The following STX1B variants were observed in gnomAD, a reference collection of about 807,000 sequenced individuals.
STX1B encodes syntaxin-1B.
A neutral mutation model predicts 39.4 loss-of-function variants in STX1B; 7 were observed. That is an observed-to-expected ratio of 0.18 (90% CI 0.10 to 0.33). The LOEUF is 0.33. Ranked by LOEUF, STX1B falls within the 10% of genes least tolerant of loss-of-function variation. The pLI is 1.00. For missense variants in STX1B, 198 were observed against 383.2 expected (o/e 0.52, Z 4.04); for synonymous variants, 136 against 144.1 (o/e 0.94, Z 0.40).
rs1328341442 is a variant in STX1B at position 31,000,911 on chromosome 16, G to A, written c.280+17C>T. On this transcript the variant is annotated intron_variant, in intron 4 of 9. Coordinates refer to ENST00000215095, the MANE Select transcript of STX1B (RefSeq NM_052874.5). ...CACAATTCTTTTCCTTCCTGGTTGA[G>A]GGATTGTACTCCTCACCTTTCAATT... 8.1e-6 allele frequency: 13 copies of A among 1,613,706 alleles called. No homozygotes were observed. Among genetic ancestry groups the A allele is most frequent in the Non-Finnish European group, 1.1e-5 (13 of 1,179,746 alleles).
At position 31,010,612 on chromosome 16, in the gene STX1B, C is replaced by T. The variant is rs1277157678; in HGVS notation, c.-216G>A. 1.0e-4 allele frequency: 15 copies of T among 150,024 alleles called. No homozygotes were observed. Among genetic ancestry groups the T allele is most frequent in the Admixed American group, 9.5e-4 (14 of 14,690 alleles). The allele number at this position is 150,024 out of a possible 1,614,324, so 9.3% of individuals were successfully genotyped here. On this transcript the variant is annotated 5_prime_UTR_variant, in exon 1 of 10. Coordinates refer to ENST00000215095, the MANE Select transcript of STX1B (RefSeq NM_052874.5). ...GCTCGGCTCTGCCGGGCTGCGGTGG[C>T]GATGCGGCTGCGGCACAGGGTAGGA...
At chr16:30,993,282 G>A (rs1352956151) in intron 8 of STX1B, 42 bp from the exon 9 acceptor site, 1 of 1,613,448 alleles carries the variant, frequency 6.2e-7, no homozygotes, top group African/African-American at 1.3e-5. Context: ...ATGGGGGCTG[G>A]GCTGGAAGAG....
Position 31,001,227 on chromosome 16 carries a change from T to G in STX1B, c.106-34A>C. On this transcript the variant is annotated intron_variant, in intron 2 of 9. Transcript: ENST00000215095. This position sits in a 1 kb window ranked among gnomAD's most constrained non-coding sequence, Gnocchi z 5.5. ...GAAAATCGGCTATACCCAGCCAAGC[T>G]GTCAGGCCAAACAACGGGTTCCAGG... is the stretch of plus-strand genomic sequence containing the variant. 6.2e-7 allele frequency: 1 copy of G among 1,604,078 alleles called. No homozygotes were observed. The highest frequency in any genetic ancestry group is 8.5e-7 in the Non-Finnish European group (1 of 1,173,936).
chr16:31,005,812 C>T (rs936591651), intron 1 of STX1B, among the ~76,000 whole-genome samples: 1 of 152,124 alleles, frequency 6.6e-6, no homozygotes. Context: ...AGTGCAGTGC[C>T]CCTGAGCCCC....
Position 30,998,358 on chromosome 16 carries a change from C to T in STX1B, c.281-783G>A, listed in dbSNP as rs1024149213. 2.6e-5 allele frequency among the ~76,000 whole-genome samples: 4 copies of T among 152,346 alleles called. No homozygotes were observed. In the South Asian group the frequency reaches 8.3e-4, roughly 32 times the overall value. On this transcript the variant is annotated intron_variant, in intron 4 of 9. Transcript: ENST00000215095. Reference sequence around the variant, plus strand: ...GCCATTCCTAAGAGCCTCACTCCTCCGTTCTGTTGGCAGTGGGGGAGGTAC... The same window carrying T: ...GCCATTCCTAAGAGCCTCACTCCTCTGTTCTGTTGGCAGTGGGGGAGGTAC...
chr16:30,995,244 C>G (rs1378134393), intron 7 of STX1B, among the ~76,000 whole-genome samples: 2 of 152,128 alleles, frequency 1.3e-5, no homozygotes, highest in Non-Finnish European at 2.9e-5. Flanking sequence ...TCCCAAAATG[C>G]TGGGATTACA....
chr16:30,997,346 C>T (rs1057090089), intron 5 of STX1B, among the ~76,000 whole-genome samples, 156 bp downstream of exon 5: 26 of 152,190 alleles, frequency 1.7e-4, no homozygotes, highest in Admixed American at 2.6e-4. Context: ...GAGCCCCGCC[C>T]AGGGCCCCGC....
intron 1 of STX1B, among the ~76,000 whole-genome samples, chr16:31,009,789 G>A (rs2056671856): frequency 6.6e-6 from 1 of 151,700 alleles, no homozygotes; most frequent in Admixed American, 6.6e-5. Flanking sequence ...CCTGTCTCAG[G>A]CCCTGGCCCT....
At chr16:30,994,158 G>A (rs1048089527) in intron 7 of STX1B, among the ~76,000 whole-genome samples, 14 of 151,946 alleles carry the variant, frequency 9.2e-5, no homozygotes, top group African/African-American at 1.2e-4. Flanking sequence ...CGGGTGTGGT[G>A]GTGGGCGCCT....
chr16:31,003,558 G>A (rs1276410277), intron 1 of STX1B, among the ~76,000 whole-genome samples: 4 of 152,112 alleles, frequency 2.6e-5, no homozygotes, highest in Admixed American at 2.0e-4. Flanking sequence ...TCCCTGGCCC[G>A]GGTGCCTGAG....
At chr16:30,993,275 G>A (rs764882127) in intron 8 of STX1B, 35 bp from the exon 9 acceptor site, 32 of 1,613,560 alleles carry the variant, frequency 2.0e-5, no homozygotes, top group Non-Finnish European at 2.5e-5. Context: ...GGGAGGGATG[G>A]GGGCTGGGCT....
chr16:31,003,228 T>C (rs2056640071), intron 1 of STX1B, among the ~76,000 whole-genome samples: 1 of 152,096 alleles, frequency 6.6e-6, no homozygotes, highest in Admixed American at 6.5e-5. Context: ...TGTCGGAAAA[T>C]GTGTTCAGCA....
At chr16:31,002,892 C>CA (rs1391416653) in intron 1 of STX1B, among the ~76,000 whole-genome samples, 2 of 152,216 alleles carry the variant, frequency 1.3e-5, no homozygotes, top group East Asian at 3.9e-4. Context: ...AGTTGGAATC[C>CA]AAAAAGAAGA....
chr16:31,003,121 C>T (rs1450259806), intron 1 of STX1B, among the ~76,000 whole-genome samples: 2 of 152,198 alleles, frequency 1.3e-5, no homozygotes, highest in South Asian at 2.1e-4. Flanking sequence ...CCTGGGGGGC[C>T]TCCAGCTCCA....
chr16:30,992,813 G>C lies in STX1B; in HGVS notation c.*8C>G, dbSNP rs1359608746. The C allele has an allele frequency of 3.1e-6, 5 of 1,592,022 alleles. No individual in the cohort carries two copies. The highest frequency in any genetic ancestry group is 1.3e-5 in the African/African-American group (1 of 74,310). On this transcript the variant is annotated 3_prime_UTR_variant, in exon 10 of 10. Transcript: ENST00000215095. ...GAAGGGTCTGGGAGAGAGAAGGGTG[G>C]GGGGGGCCTACAAGCCCAGCGTCCC...
In STX1B at chr16:31,001,296, C is replaced by T. The variant is rs1442418444; in HGVS notation, c.106-103G>A. 32 of 1,167,772 alleles carry T rather than the reference C, an allele frequency of 2.7e-5. No homozygotes were observed. The highest frequency in any genetic ancestry group is 2.1e-5 in the Non-Finnish European group (17 of 800,324). 72.3% of individuals were successfully genotyped at this position (1,167,772 alleles called of 1,614,324 possible). ...GGGGAATGGACCAGCCCCAGAACGG[C>T]TGATAAAAGGCCAGGGAGGGTGCAG... On this transcript the variant is annotated intron_variant, in intron 2 of 9. Transcript: ENST00000215095. This position sits in a 1 kb window ranked among gnomAD's most constrained non-coding sequence, Gnocchi z 5.5.
chr16:30,993,163 C>T lies in STX1B; in HGVS notation c.753G>A (p.Lys251=). 1 of 1,614,230 alleles carries T rather than the reference C, an allele frequency of 6.2e-7. No individual in the cohort carries two copies. The highest frequency in any genetic ancestry group is 8.5e-7 in the Non-Finnish European group (1 of 1,180,040). Residue 251 remains lysine (K), a synonymous_variant, in exon 9 of 10, where the codon AAG becomes AAA. Coordinates refer to ENST00000215095, the MANE Select transcript of STX1B (RefSeq NM_052874.5). ...CCTTGCTCTGATATTTCACTGCTTT[C>T]TTGGTGTCAGACACAGCTCGCTCCA... ...DYVERAVSDT[K]KAVKYQSKAR...
In STX1B at chr16:31,001,286, C is replaced by T. The variant is rs977142684; in HGVS notation, c.106-93G>A. 7 of 1,261,264 alleles carry T rather than the reference C, an allele frequency of 5.5e-6. No homozygotes were observed. Among genetic ancestry groups the T allele is most frequent in the Non-Finnish European group, 6.8e-6 (6 of 881,498 alleles). The allele number at this position is 1,261,264 out of a possible 1,614,324, so 78.1% of individuals were successfully genotyped here. The stretch of plus-strand genomic sequence containing the variant: ...CCAGGGTTCAGGGGAATGGACCAGC[C>T]CCAGAACGGCTGATAAAAGGCCAGG... On this transcript the variant is annotated intron_variant, in intron 2 of 9. Transcript: ENST00000215095. This position sits in a 1 kb window ranked among gnomAD's most constrained non-coding sequence, Gnocchi z 5.5.
rs12928868 is a variant in STX1B, at chr16:30,997,643, C to T, written c.281-68G>A. On this transcript the variant is annotated intron_variant, in intron 4 of 9. Coordinates refer to ENST00000215095, the MANE Select transcript of STX1B (RefSeq NM_052874.5). ...ACATGGGGCGAGGGTCCGGGGCGTA[C>T]GAATGGTCAACACCCCGCGGCAGCG... The T allele has an allele frequency of 0.019, 26,952 of 1,456,406 alleles. 312 individuals carry two copies. Among genetic ancestry groups the T allele is most frequent in the Non-Finnish European group, 0.023 (24,461 of 1,062,864 alleles). 90.2% of individuals were successfully genotyped at this position (1,456,406 alleles called of 1,614,324 possible).
Sources: allele counts gnomAD v4.1 joint callset (sites outside exome capture counted in the v4.1 genomes callset), GRCh38; gene constraint gnomAD v4.1.1; non-coding constraint Gnocchi (gnomAD v3.1); transcripts MANE v1.5; gene names NCBI Gene and HGNC (gene_info 2026-07-23, HGNC 2026-07-21).